Variants in SAMMSON observed in about 807,000 individuals in gnomAD.
The protein encoded by SAMMSON is survival associated mitochondrial melanoma specific oncogenic non-coding RNA, also known as long intergenic non-protein coding RNA 1212.
At position 70,126,571 on chromosome 3, in the gene SAMMSON, C is replaced by A; in HGVS notation, n.507+55006C>A. 3 of 511,996 alleles carry A rather than the reference C, an allele frequency of 5.9e-6. No homozygotes were observed. In the East Asian group the frequency reaches 1.1e-4, roughly 18 times the overall value. 31.7% of individuals were successfully genotyped at this position (511,996 alleles called of 1,614,324 possible). On this transcript the variant is annotated intron_variant and non_coding_transcript_variant, in intron 4 of 9. Transcript: ENST00000642114. ...CAGGGAAAGTGGGGAGGAGCTTGTG[C>A]ATCCCCTTGATATTGCAAATGGCTG...
chr3:70,299,620 C>T (rs1439895486), intron 7 of SAMMSON, among the ~76,000 whole-genome samples: 2 of 152,064 alleles, frequency 1.3e-5, no homozygotes, highest in African/African-American at 4.8e-5. Context: ...GTTTTCATTG[C>T]CCTGAAAACC....
rs80119735 is a variant in SAMMSON at position 70,202,573 on chromosome 3, A to C, written n.508-46534A>C. On this transcript the variant is annotated intron_variant and non_coding_transcript_variant, in intron 4 of 9. Coordinates refer to ENST00000642114, the Ensembl canonical transcript of SAMMSON. ...CACAGGCTCTAATCACTGCTATTGA[A>C]GTGCCCACCTGGCTTTCCTATTCCT... Among the ~76,000 whole-genome samples, 1,030 of 152,284 alleles carry C rather than the reference A, an allele frequency of 6.8e-3. 61 individuals are homozygous for C. The East Asian group carries it at 0.15, about 22-fold the overall frequency.
chr3:70,041,219 A>G (rs2067105220), intron 3 of SAMMSON, among the ~76,000 whole-genome samples: 1 of 152,052 alleles, frequency 6.6e-6, no homozygotes, highest in Admixed American at 6.6e-5. Context: ...ATTTCCAAAG[A>G]CATTTTGTTG....
chr3:70,030,589 G>A (rs2067060998), intron 3 of SAMMSON: 1 of 152,126 alleles, frequency 6.6e-6, no homozygotes, highest in South Asian at 2.1e-4. Context: ...TTTCAAATAA[G>A]GAAACTGAGG....
intron 4 of SAMMSON, among the ~76,000 whole-genome samples, chr3:70,142,773 A>C (rs2067533106): frequency 6.6e-6 from 1 of 152,202 alleles, no homozygotes; most frequent in Non-Finnish European, 1.5e-5. Context: ...TGTGGGAAGC[A>C]CTATGCTCAT....
intron 4 of SAMMSON, among the ~76,000 whole-genome samples, chr3:70,150,528 G>A (rs960902147): frequency 4.6e-5 from 7 of 152,054 alleles, no homozygotes; most frequent in African/African-American, 1.7e-4. Flanking sequence ...GAAGCTTGGA[G>A]GAGTTGAACC....
chr3:70,266,803 G>A (rs989309100), intron 6 of SAMMSON, among the ~76,000 whole-genome samples: 1 of 152,090 alleles, frequency 6.6e-6, no homozygotes, highest in African/African-American at 2.4e-5. Flanking sequence ...CAGCTTCAAA[G>A]CAAATTAGTA....
intron 4 of SAMMSON, among the ~76,000 whole-genome samples, chr3:70,092,404 T>C (rs1442384352): frequency 6.6e-6 from 1 of 151,950 alleles, no homozygotes; most frequent in East Asian, 1.9e-4. Context: ...CTGGAATAAC[T>C]TCTACATTCC....
At chr3:70,138,847 G>A (rs1198039467) in intron 4 of SAMMSON, among the ~76,000 whole-genome samples, 9 of 152,080 alleles carry the variant, frequency 5.9e-5, no homozygotes, top group Non-Finnish European at 1.3e-4. Context: ...ATATAATGGT[G>A]GGAGAGCAAA....
At chr3:70,386,146 A>T (rs1168574289) in intron 9 of SAMMSON, among the ~76,000 whole-genome samples, 1 of 152,132 alleles carries the variant, frequency 6.6e-6, no homozygotes, top group African/African-American at 2.4e-5. Flanking sequence ...GGAAAACATG[A>T]GTGAAAATCG....
intron 9 of SAMMSON, among the ~76,000 whole-genome samples, chr3:70,363,806 G>A (rs910209542): frequency 7.3e-6 from 1 of 137,594 alleles, no homozygotes; most frequent in Admixed American, 7.6e-5. Flanking sequence ...TTGTCTGTGT[G>A]TGTGTGTGTG....
intron 7 of SAMMSON, among the ~76,000 whole-genome samples, chr3:70,341,738 A>G (rs949116167): frequency 6.6e-6 from 1 of 152,222 alleles, no homozygotes; most frequent in Admixed American, 6.5e-5. Context: ...ACAGGATATT[A>G]GAGCAGAAGG....
At chr3:70,021,934 A>G (rs959213771) in intron 3 of SAMMSON, among the ~76,000 whole-genome samples, 2 of 152,208 alleles carry the variant, frequency 1.3e-5, no homozygotes, top group East Asian at 1.9e-4. Context: ...CTTCATCAAC[A>G]TTTTTAAGAA....
chr3:70,052,271 A>G (rs915583656), intron 3 of SAMMSON, among the ~76,000 whole-genome samples: 5 of 152,090 alleles, frequency 3.3e-5, no homozygotes, highest in African/African-American at 1.2e-4. Flanking sequence ...CACATACTCT[A>G]TGTGGCCAGT....
At chr3:70,196,497 A>G (rs1250557455) in intron 4 of SAMMSON, among the ~76,000 whole-genome samples, 2 of 152,210 alleles carry the variant, frequency 1.3e-5, no homozygotes, top group Non-Finnish European at 2.9e-5. Context: ...CATAATGTTT[A>G]TGCATGAGTC....
chr3:70,322,569 A>T (rs771927876), intron 7 of SAMMSON, among the ~76,000 whole-genome samples: 2 of 152,140 alleles, frequency 1.3e-5, no homozygotes, highest in Non-Finnish European at 2.9e-5. Context: ...TATCTTGATC[A>T]GTCTTTTCTC....
chr3:70,060,858 G>T (rs2107591789), intron 3 of SAMMSON, among the ~76,000 whole-genome samples: 2 of 152,222 alleles, frequency 1.3e-5, no homozygotes, highest in South Asian at 4.1e-4. Context: ...GGGAATAATG[G>T]GTTAGACAGG....
intron 7 of SAMMSON, among the ~76,000 whole-genome samples, chr3:70,296,138 C>T (rs772895396): frequency 3.9e-5 from 6 of 152,118 alleles, no homozygotes; most frequent in Non-Finnish European, 5.9e-5. Context: ...TTTATCAGTA[C>T]ATTTTCTTTA....
chr3:70,217,764 A>C (rs1701429396), intron 4 of SAMMSON, among the ~76,000 whole-genome samples: 1 of 152,162 alleles, frequency 6.6e-6, no homozygotes, highest in South Asian at 2.1e-4. Context: ...ATTAGTGTTG[A>C]AAAATACTTA....
Sources: gnomAD v4.1 joint callset for allele counts (sites outside exome capture counted in the v4.1 genomes callset) on GRCh38, gnomAD v4.1.1 for gene constraint, MANE v1.5 for transcripts, NCBI Gene and HGNC (gene_info 2026-07-23, HGNC 2026-07-21) for gene names.